GOLPH3: variants seen among roughly 807,000 people sequenced by gnomAD.
GOLPH3 encodes coat protein GPP34.
GOLPH3 carries 14 observed loss-of-function variants against 28.5 expected under a neutral mutation model. That is an observed-to-expected ratio of 0.49 (90% CI 0.32 to 0.77). The LOEUF is 0.77. Ranked by LOEUF, GOLPH3 falls within the 30% of genes least tolerant of loss-of-function variation. The probability of loss-of-function intolerance (pLI) is 0.03; values close to 1 mark genes in which losing one functional copy is unlikely to be tolerated. For synonymous variants in GOLPH3, 158 were observed against 159.2 expected (o/e 0.99, Z 0.06); for missense variants, 350 against 393.7 (o/e 0.89, Z 0.94).
In GOLPH3 at chr5:32,126,268, GAC is replaced by G; in HGVS notation, c.839_840del (p.Cys280SerfsTer7). Reference sequence around the variant, plus strand: ...AGAACCTCATTGGTGTTGGCCTTCAGACATTCCACTTCAGGGTCTAAGTCGAG... The same window carrying G: ...AGAACCTCATTGGTGTTGGCCTTCAGATTCCACTTCAGGGTCTAAGTCGAG... ...QLLDLDPEVE[C>X]LKANTNEVLW... On this transcript the variant is annotated frameshift_variant, in exon 4 of 4. Coordinates refer to ENST00000265070, the MANE Select transcript of GOLPH3 (RefSeq NM_022130.4). LOFTEE classifies it high-confidence loss of function. 6.2e-7 allele frequency: 1 copy of G among 1,614,172 alleles called. No homozygotes were observed. Among genetic ancestry groups the G allele is most frequent in the Non-Finnish European group, 8.5e-7 (1 of 1,180,044 alleles).
intron 1 of GOLPH3, among the ~76,000 whole-genome samples, chr5:32,151,059 G>A (rs1047657365): frequency 6.6e-6 from 1 of 152,004 alleles, no homozygotes; most frequent in Non-Finnish European, 1.5e-5. Flanking sequence ...TTATAATCTG[G>A]GAGTGAAAGA....
At chr5:32,155,726 G>A (rs896622830) in intron 1 of GOLPH3, among the ~76,000 whole-genome samples, 1 of 151,930 alleles carries the variant, frequency 6.6e-6, no homozygotes, top group Non-Finnish European at 1.5e-5. Context: ...GGGAGGCCGA[G>A]GCAGGCAGAT....
At chr5:32,161,209 C>A (rs1746568030) in intron 1 of GOLPH3, among the ~76,000 whole-genome samples, 1 of 150,516 alleles carries the variant, frequency 6.6e-6, no homozygotes, top group South Asian at 2.1e-4. Flanking sequence ...TTGAGACCAA[C>A]TTGGGCAACA....
At chr5:32,137,257 C>T (rs1216410799) in intron 2 of GOLPH3, among the ~76,000 whole-genome samples, 1 of 151,962 alleles carries the variant, frequency 6.6e-6, no homozygotes, top group African/African-American at 2.4e-5. Context: ...CTGCACCTGG[C>T]CCTGAAAGGT....
chr5:32,152,051 G>C (rs962122128), intron 1 of GOLPH3, among the ~76,000 whole-genome samples: 4 of 152,244 alleles, frequency 2.6e-5, no homozygotes, highest in African/African-American at 7.2e-5. Flanking sequence ...GGCACAGTGT[G>C]AATCTACTTA....
At chr5:32,151,063 T>A (rs745382675) in intron 1 of GOLPH3, among the ~76,000 whole-genome samples, 4 of 151,790 alleles carry the variant, frequency 2.6e-5, no homozygotes, top group Admixed American at 1.3e-4. Flanking sequence ...AATCTGGGAG[T>A]GAAAGAAAAA....
rs112543290 is a variant in GOLPH3 at position 32,171,333 on chromosome 5, A to G, written c.225+2477T>C. Among the ~76,000 whole-genome samples, 997 of 152,296 alleles carry G rather than the reference A, an allele frequency of 6.5e-3. 13 individuals carry two copies. The highest frequency in any genetic ancestry group is 0.022 in the African/African-American group (916 of 41,562). ...CATAATGTTTTAAGAAAATTTACCA[A>G]TTTATGTTGGGCCGCATTTAAAGCC... On this transcript the variant is annotated intron_variant, in intron 1 of 3. Transcript: ENST00000265070.
intron 1 of GOLPH3, among the ~76,000 whole-genome samples, chr5:32,147,430 C>T (rs1276651621): frequency 6.7e-6 from 1 of 150,178 alleles, no homozygotes; most frequent in Admixed American, 6.6e-5. Context: ...AAGACTTCAT[C>T]TCAAACAAAA....
At chr5:32,158,729 T>C (rs1746509949) in intron 1 of GOLPH3, among the ~76,000 whole-genome samples, 1 of 152,078 alleles carries the variant, frequency 6.6e-6, no homozygotes, top group African/African-American at 2.4e-5. Flanking sequence ...TCTCACTTAT[T>C]TTCAAAAAAA....
At chr5:32,162,122 G>A (rs145348638) in intron 1 of GOLPH3, among the ~76,000 whole-genome samples, 1,719 of 151,442 alleles carry the variant, frequency 0.011, 16 homozygotes, top group South Asian at 0.018. Context: ...GTTTTGCCAG[G>A]AATTACAAAA....
intron 1 of GOLPH3, among the ~76,000 whole-genome samples, chr5:32,156,868 C>A (rs1279649787): frequency 1.3e-5 from 2 of 152,168 alleles, no homozygotes; most frequent in Non-Finnish European, 2.9e-5. Flanking sequence ...AGACCAGTAC[C>A]GGTCCATAGC....
chr5:32,159,033 G>A (rs1398878962), intron 1 of GOLPH3, among the ~76,000 whole-genome samples: 5 of 152,172 alleles, frequency 3.3e-5, no homozygotes, highest in East Asian at 3.8e-4. Flanking sequence ...GACCTGCCAC[G>A]CACTGAGTGG....
chr5:32,164,897 ATT>A (rs1746674624), intron 1 of GOLPH3, among the ~76,000 whole-genome samples: 1 of 136,048 alleles, frequency 7.4e-6, no homozygotes, highest in Non-Finnish European at 1.5e-5. Context: ...TAAATTATGT[ATT>A]CTTTTTTTTT....
chr5:32,174,184 T>G lies in GOLPH3; in HGVS notation c.-150A>C. The G allele has an allele frequency of 2.3e-6, 1 of 441,890 alleles. No homozygotes were observed. Among genetic ancestry groups the G allele is most frequent in the Non-Finnish European group, 3.7e-6 (1 of 270,160 alleles). 27.4% of individuals were successfully genotyped at this position (441,890 alleles called of 1,614,324 possible). Reference sequence around the variant, plus strand: ...TCGGCAGCAGGGCCGGGGGCAGTCATGAGGAAACAGGTCAGGGCGAAGCGG... The same window carrying G: ...TCGGCAGCAGGGCCGGGGGCAGTCAGGAGGAAACAGGTCAGGGCGAAGCGG... On this transcript the variant is annotated 5_prime_UTR_variant, in exon 1 of 4. It removes an upstream start codon present in the reference 5' UTR. Coordinates refer to ENST00000265070, the MANE Select transcript of GOLPH3 (RefSeq NM_022130.4).
intron 2 of GOLPH3, among the ~76,000 whole-genome samples, chr5:32,140,298 G>A (rs886767865): frequency 5.3e-5 from 8 of 151,958 alleles, no homozygotes; most frequent in Admixed American, 3.9e-4. Context: ...GAACCCAAGC[G>A]TTCAAGACCA....
rs113431645 is a variant in GOLPH3 at position 32,139,039 on chromosome 5, G to A, written c.358-3353C>T. 9.9e-3 allele frequency among the ~76,000 whole-genome samples: 1,501 copies of A among 152,272 alleles called. 25 individuals are homozygous for A. The highest frequency in any genetic ancestry group is 0.035 in the African/African-American group (1,459 of 41,538). ...CACATCCGTTTGCAACGGATCTTAT[G>A]TCAGGGACACCAGAGCCTGGGTATA... On this transcript the variant is annotated intron_variant, in intron 2 of 3. Transcript: ENST00000265070.
At chr5:32,173,258 T>C (rs73065672) in intron 1 of GOLPH3, among the ~76,000 whole-genome samples, 3,358 of 152,086 alleles carry the variant, frequency 0.022, 114 homozygotes, top group African/African-American at 0.075. Flanking sequence ...TTAACTTAAC[T>C]TTACTCAGTA....
At position 32,124,810 on chromosome 5, in the gene GOLPH3, T is replaced by C. The variant is rs966164980; in HGVS notation, c.*1402A>G. 6.6e-6 allele frequency: 1 copy of C among 152,596 alleles called. No homozygotes were observed. The highest frequency in any genetic ancestry group is 2.4e-5 in the African/African-American group (1 of 41,448). The allele number at this position is 152,596 out of a possible 1,614,324, so 9.5% of individuals were successfully genotyped here. On this transcript the variant is annotated 3_prime_UTR_variant, in exon 4 of 4. Transcript: ENST00000265070. ...CCCTTAAAATTCAACTCTAGAGTTA[T>C]ACACCATCTAGTACTTTTGCAATGA...
chr5:32,150,949 A>G (rs1746290924), intron 1 of GOLPH3, among the ~76,000 whole-genome samples: 1 of 152,224 alleles, frequency 6.6e-6, no homozygotes, highest in Non-Finnish European at 1.5e-5. Flanking sequence ...AATTGGATCA[A>G]TTCCTTATTA....
Sources: gnomAD v4.1 joint callset for allele counts (sites outside exome capture counted in the v4.1 genomes callset) on GRCh38, gnomAD v4.1.1 for gene constraint, MANE v1.5 for transcripts, NCBI Gene and HGNC (gene_info 2026-07-23, HGNC 2026-07-21) for gene names.